The following YIPF1 variants were observed in gnomAD, a reference collection of about 807,000 sequenced individuals.
The protein encoded by YIPF1 is protein YIPF1.
In YIPF1, 22 loss-of-function variants were observed where a neutral mutation model predicts 37.0. The ratio of observed to expected loss-of-function variants is 0.59; its 90% confidence interval spans 0.42 to 0.85. The LOEUF is 0.85. Among genes scored for constraint, YIPF1 ranks in the 40% least tolerant of loss-of-function variants. YIPF1 has a pLI of 0.00. For missense variants in YIPF1, 355 were observed against 373.1 expected, an observed-to-expected ratio of 0.95 and a Z score of 0.40; for synonymous variants, 128 against 131.9, an observed-to-expected ratio of 0.97 and a Z score of 0.21.
intron 10 of YIPF1, among the ~76,000 whole-genome samples, chr1:53,854,706 C>A (rs1649678389): frequency 6.6e-6 from 1 of 152,190 alleles, no homozygotes. Context: ...AAGGACTGAT[C>A]TCCGTTGTTC....
At chr1:53,853,582 C>T (rs1649648347) in intron 10 of YIPF1, among the ~76,000 whole-genome samples, 1 of 152,160 alleles carries the variant, frequency 6.6e-6, no homozygotes, top group Non-Finnish European at 1.5e-5. Flanking sequence ...TTCCTGGAGA[C>T]ATCAACAGGA....
intron 3 of YIPF1, 27 bp downstream of exon 3, chr1:53,888,880 A>T (rs779777058): frequency 6.4e-7 from 1 of 1,566,052 alleles, no homozygotes; most frequent in Non-Finnish European, 8.8e-7. Flanking sequence ...GATCATAAAT[A>T]TAAAGGTGGG....
At chr1:53,870,890 T>C (rs1650169478) in intron 7 of YIPF1, among the ~76,000 whole-genome samples, 1 of 151,620 alleles carries the variant, frequency 6.6e-6, no homozygotes, top group Non-Finnish European at 1.5e-5. Flanking sequence ...TGCATGCCTA[T>C]GGTCCCAGCT....
At chr1:53,872,210 C>T (rs769907938) in intron 6 of YIPF1, among the ~76,000 whole-genome samples, 2 of 151,992 alleles carry the variant, frequency 1.3e-5, no homozygotes, top group Non-Finnish European at 1.5e-5. Flanking sequence ...CTCTCTGTGC[C>T]CCGGCTCTCT....
intron 10 of YIPF1, among the ~76,000 whole-genome samples, chr1:53,859,419 T>G (rs551118320): frequency 6.6e-6 from 1 of 152,232 alleles, no homozygotes. Context: ...ATCCCAGCAC[T>G]TTGGGTGGCC....
At position 53,878,635 on chromosome 1, in the gene YIPF1, T is replaced by C; in HGVS notation, c.276+7A>G. ...CGTAAAAGGAAAGGTGAAATTGGTT[T>C]CCAAACCTGGTAGGTGTCCACATCA... On this transcript the variant is annotated splice_region_variant and intron_variant, in intron 5 of 10. Transcript: ENST00000072644. The C allele has an allele frequency of 6.3e-7, 1 of 1,599,160 alleles. No individual in the cohort carries two copies. The highest frequency in any genetic ancestry group is 8.5e-7 in the Non-Finnish European group (1 of 1,177,024).
At chr1:53,864,084 A>G (rs1006317671) in intron 9 of YIPF1, among the ~76,000 whole-genome samples, 2 of 152,128 alleles carry the variant, frequency 1.3e-5, no homozygotes, top group Admixed American at 1.3e-4. Context: ...TCCCTGCTTC[A>G]CTGCTCAACC....
chr1:53,888,664 T>C (rs779638689), intron 3 of YIPF1, among the ~76,000 whole-genome samples: 1 of 152,192 alleles, frequency 6.6e-6, no homozygotes, highest in Non-Finnish European at 1.5e-5. Context: ...GTGTAAGCAT[T>C]TTCTGTAATC....
At position 53,866,314 on chromosome 1, in the gene YIPF1, T is replaced by A; in HGVS notation, c.717A>T (p.Gly239=). ...GCCAAAATGTCATTGCCAAGAGAGA[T>A]CCTGAGATGCCCAGGGCAATCATGA... ...ILVMIALGIS[G]SLLAMTFWPA... The change falls in exon 9 of 11, where the codon GGA becomes GGT. Residue 239 remains glycine (G), a synonymous_variant. Transcript: ENST00000072644. 1 of 1,614,008 alleles carries A rather than the reference T, an allele frequency of 6.2e-7. No homozygotes were observed. Among genetic ancestry groups the A allele is most frequent in the African/African-American group, 1.3e-5 (1 of 74,958 alleles).
chr1:53,868,508 G>C (rs1024839008), intron 7 of YIPF1, among the ~76,000 whole-genome samples: 5 of 152,182 alleles, frequency 3.3e-5, no homozygotes, highest in African/African-American at 4.8e-5. Flanking sequence ...AAGAGCGACT[G>C]ATCAATAATA....
chr1:53,856,794 A>C (rs1161492679), intron 10 of YIPF1, among the ~76,000 whole-genome samples: 1 of 152,166 alleles, frequency 6.6e-6, no homozygotes, highest in Non-Finnish European at 1.5e-5. Context: ...TACGTATCAC[A>C]AGTTTGTGCT....
chr1:53,855,057 A>G (rs1265502183), intron 10 of YIPF1: 1 of 151,568 alleles, frequency 6.6e-6, no homozygotes, highest in Non-Finnish European at 1.5e-5. Context: ...GAGTCCTGAA[A>G]AATAAACAGG....
At chr1:53,867,367 CTTTTTTTTTTT>C (rs57424528) in intron 7 of YIPF1, among the ~76,000 whole-genome samples, 2 of 111,580 alleles carry the variant, frequency 1.8e-5, no homozygotes, top group Non-Finnish European at 3.6e-5. Flanking sequence ...CACTGACTTC[CTTTTTTTTTTT>C]TTTTTTTTTT....
rs114895230 is a variant in YIPF1, at chr1:53,877,300, C to A, written c.364+1015G>T. On this transcript the variant is annotated intron_variant, in intron 6 of 10. Coordinates refer to ENST00000072644, the MANE Select transcript of YIPF1 (RefSeq NM_018982.5). ...GTTTTCACACCAGGCTCCCTAGAGT[C>A]CATATTTAAAATCAACATATATGAC... 7.0e-3 allele frequency among the ~76,000 whole-genome samples: 1,071 copies of A among 152,290 alleles called. 5 individuals are homozygous for A. Among genetic ancestry groups the A allele is most frequent in the Middle Eastern group, 0.014 (4 of 294 alleles).
rs1209323565 is a variant in YIPF1 at position 53,872,885 on chromosome 1, C to T, written c.365-1397G>A. ...TCTGCTGTAGACAAGGACTAAATCT[C>T]ACAGTATTATTCTGAGTGACCACAC... is the stretch of plus-strand genomic sequence containing the variant. On this transcript the variant is annotated intron_variant, in intron 6 of 10. Transcript: ENST00000072644. Among the ~76,000 whole-genome samples, 6 of 152,266 alleles carry T rather than the reference C, an allele frequency of 3.9e-5. No individual in the cohort carries two copies. The East Asian group carries it at 1.2e-3, about 29-fold the overall frequency.
In YIPF1 at chr1:53,871,378, G is replaced by A. The variant is rs776059115; in HGVS notation, c.475C>T (p.Arg159Ter). ...AGTCAAGCTATTCACCAACCTTTTC[G>A]GAATTCGGGCACATAATGGTACGTC... ...EKTYHYVPEF[R>*]KVSIAATIIY... The change falls in exon 7 of 11, where the codon CGA (arginine) becomes TGA (stop). Residue 159 changes from arginine to a stop codon, truncating the protein, a stop_gained. Transcript: ENST00000072644. LOFTEE classifies it high-confidence loss of function. 49 of 1,612,950 alleles carry A rather than the reference G, an allele frequency of 3.0e-5. No individual in the cohort carries two copies. The highest frequency in any genetic ancestry group is 1.7e-4 in the Middle Eastern group (1 of 6,052).
chr1:53,871,809 G>A (rs1002746040), intron 6 of YIPF1, among the ~76,000 whole-genome samples: 1 of 152,038 alleles, frequency 6.6e-6, no homozygotes, highest in Admixed American at 6.5e-5. Context: ...AAATTCACAG[G>A]CTTTTTATTA....
At chr1:53,861,787 G>T (rs1303454373) in intron 9 of YIPF1, among the ~76,000 whole-genome samples, 1 of 152,142 alleles carries the variant, frequency 6.6e-6, no homozygotes, top group Non-Finnish European at 1.5e-5. Context: ...GCCAAGGCAG[G>T]TGGATCATTT....
chr1:53,866,963 C>T lies in YIPF1; in HGVS notation c.482-39G>A, dbSNP rs765063367. 4 of 1,578,824 alleles carry T rather than the reference C, an allele frequency of 2.5e-6. No individual in the cohort carries two copies. The East Asian group carries it at 8.9e-5, about 35-fold the overall frequency. ...GACACAAGTTTCAATCTCCATCATG[C>T]CTTTAGTAGACTATCAGAGCACTTC... On this transcript the variant is annotated intron_variant, in intron 7 of 10. Coordinates refer to ENST00000072644, the MANE Select transcript of YIPF1 (RefSeq NM_018982.5).
Sources: gnomAD v4.1 joint callset for allele counts (sites outside exome capture counted in the v4.1 genomes callset) on GRCh38, gnomAD v4.1.1 for gene constraint, MANE v1.5 for transcripts, NCBI Gene and HGNC (gene_info 2026-07-23, HGNC 2026-07-21) for gene names.